GBF1: variants seen among roughly 807,000 people sequenced by gnomAD.
GBF1 encodes golgi brefeldin A resistant guanine nucleotide exchange factor 1.
In GBF1, 114 loss-of-function variants were observed where a neutral mutation model predicts 210.5. The ratio of observed to expected loss-of-function variants is 0.54; its 90% CI spans 0.47 to 0.63. The LOEUF (loss-of-function observed/expected upper bound fraction) is 0.63, where lower values mean the gene tolerates loss of function less well. Among genes scored for constraint, GBF1 ranks in the 30% least tolerant of loss-of-function variants. GBF1 has a pLI of 0.00. For synonymous variants in GBF1, 850 were observed against 889.2 expected (o/e 0.96, Z 0.78); for missense variants, 1,851 against 2,357.7 (o/e 0.79, Z 4.45).
intron 3 of GBF1, among the ~76,000 whole-genome samples, chr10:102,323,571 C>T (rs2134203741): frequency 1.3e-5 from 2 of 148,582 alleles, no homozygotes. Context: ...ACTTTTTTTT[C>T]TGTCTTTTTT....
the GBF1 span, chr10:102,231,149 C>T: frequency 4.1e-6 from 6 of 1,464,120 alleles, no homozygotes; most frequent in East Asian, 1.2e-4. Context: ...CGGGTCCCAG[C>T]GGCTGAAGGG....
upstream of GBF1, among the ~76,000 whole-genome samples, chr10:102,243,133 T>G (rs2070581865): frequency 6.6e-6 from 1 of 152,090 alleles, no homozygotes; most frequent in African/African-American, 2.4e-5. Context: ...CTCTGGCCCT[T>G]CCTGTGAAAG....
At chr10:102,241,187 C>G (rs2070526571), upstream of GBF1, 1 of 152,730 alleles carries the variant, frequency 6.5e-6, no homozygotes. This position sits in a 1 kb window ranked among gnomAD's most constrained non-coding sequence, Gnocchi z 6.7. Context: ...GTCCTGGCCC[C>G]AGGTCTGCAG....
chr10:102,276,362 T>TA lies in GBF1; in HGVS notation c.163+16253dup, dbSNP rs553221399. Reference sequence around the variant, plus strand: ...TAACACGGTGAAACCCCGTCTCTACTAAAAAAACAAAAAATTAGCTGGGCA... The same window carrying TA: ...TAACACGGTGAAACCCCGTCTCTACTAAAAAAAACAAAAAATTAGCTGGGCA... On this transcript the variant is annotated intron_variant, in intron 3 of 39. Transcript: ENST00000369983. Among the ~76,000 whole-genome samples the TA allele has an allele frequency of 1.5e-3, 234 of 151,594 alleles. 2 individuals are homozygous for TA. The highest frequency in any genetic ancestry group is 5.4e-3 in the African/African-American group (222 of 41,258).
At chr10:102,231,746 C>A in the GBF1 span, 1 of 1,609,488 alleles carries the variant, frequency 6.2e-7, no homozygotes, top group African/African-American at 1.3e-5. Flanking sequence ...AGCGAACCGT[C>A]CTCTGGGGAG....
At chr10:102,268,140 C>G (rs1399851256) in intron 3 of GBF1, among the ~76,000 whole-genome samples, 1 of 152,182 alleles carries the variant, frequency 6.6e-6, no homozygotes, top group East Asian at 1.9e-4. Context: ...CACTTTTAAA[C>G]CAAGAAGTTC....
intron 33 of GBF1, 123 bp downstream of exon 33, chr10:102,377,263 C>T (rs1295350037): frequency 1.2e-5 from 8 of 668,880 alleles, no homozygotes; most frequent in Non-Finnish European, 2.1e-5. Context: ...CCTGGACCAC[C>T]ATCTTCACAA....
chr10:102,273,212 G>A (rs910249118), intron 3 of GBF1, among the ~76,000 whole-genome samples: 10 of 152,126 alleles, frequency 6.6e-5, no homozygotes, highest in East Asian at 3.9e-4. Flanking sequence ...ATGGTGGCAC[G>A]TGCCAGCTAC....
chr10:102,341,146 C>G (rs1056292248), intron 3 of GBF1, among the ~76,000 whole-genome samples: 1 of 152,188 alleles, frequency 6.6e-6, no homozygotes, highest in African/African-American at 2.4e-5. Context: ...GGATAAAAGA[C>G]TTGAGCAGAC....
At chr10:102,284,160 G>A (rs1008790251) in intron 3 of GBF1, among the ~76,000 whole-genome samples, 14 of 152,166 alleles carry the variant, frequency 9.2e-5, no homozygotes, top group African/African-American at 3.4e-4. Context: ...ATTGTTCATG[G>A]TTTCTTAGAA....
Position 102,245,618 on chromosome 10 carries a change from A to G in GBF1, c.-174A>G, listed in dbSNP as rs1159336205. ...TCATCCTGGCGGACTGTGCAGTCCCACCCTGACTTCGGCCTCAATTTCCAG... is the reference window on the plus strand; with the variant it reads ...TCATCCTGGCGGACTGTGCAGTCCCGCCCTGACTTCGGCCTCAATTTCCAG... On this transcript the variant is annotated 5_prime_UTR_variant, in exon 1 of 40. Transcript: ENST00000369983. The G allele has an allele frequency of 6.6e-6, 1 of 152,184 alleles. No homozygotes were observed. Among genetic ancestry groups the G allele is most frequent in the Non-Finnish European group, 1.5e-5 (1 of 68,078 alleles). The allele number at this position is 152,184 out of a possible 1,614,324, so 9.4% of individuals were successfully genotyped here.
In GBF1 at chr10:102,365,463, A is replaced by G. The variant is rs559879280; in HGVS notation, c.2173A>G (p.Lys725Glu). 22 of 1,614,084 alleles carry G rather than the reference A, an allele frequency of 1.4e-5. No homozygotes were observed. Among genetic ancestry groups the G allele is most frequent in the Admixed American group, 6.7e-5 (4 of 60,038 alleles). ...GAAGGGGATTCAGTTTCTGCAAGAGAAAGGCCTCCTCACCATCCCAATGGA... is the reference window on the plus strand; with the variant it reads ...GAAGGGGATTCAGTTTCTGCAAGAGGAAGGCCTCCTCACCATCCCAATGGA... ...PKKGIQFLQEKGLLTIPMDNT... is the reference protein window; with the variant it reads ...PKKGIQFLQEEGLLTIPMDNT... Residue 725 changes from lysine (K) to glutamate (E), a missense_variant, in exon 18 of 40, where the codon AAA (lysine) becomes GAA (glutamate). Around this residue, in one of 3 missense-constraint regions of GBF1, gnomAD observed 804 missense variants for 958.6 expected, o/e 0.84. Transcript: ENST00000369983.
At chr10:102,361,653 A>G in intron 13 of GBF1, 65 bp from the exon 14 acceptor site, 3 of 1,139,274 alleles carry the variant, frequency 2.6e-6, no homozygotes, top group East Asian at 2.4e-5. Context: ...TTTCCTGTCT[A>G]ATTTTTTCTC....
Position 102,360,399 on chromosome 10 carries a change from A to C in GBF1, c.1392+4A>C, listed in dbSNP as rs1172061970. 1.9e-6 allele frequency: 3 copies of C among 1,591,426 alleles called. No homozygotes were observed. The highest frequency in any genetic ancestry group is 1.7e-6 in the Non-Finnish European group (2 of 1,159,602). ...GATGTGCCGTCACTTATTCCAGGTA[A>C]GACAAGATTGCTAGAGGGTCTCAGA... On this transcript the variant is annotated splice_donor_region_variant and intron_variant, in intron 12 of 39. Coordinates refer to ENST00000369983, the MANE Select transcript of GBF1 (RefSeq NM_001377137.1).
chr10:102,347,817 TG>T (rs923722955), intron 4 of GBF1, among the ~76,000 whole-genome samples: 1 of 152,226 alleles, frequency 6.6e-6, no homozygotes, highest in African/African-American at 2.4e-5. Context: ...ACTAGCCTTT[TG>T]TTTGGCCCCA....
chr10:102,300,071 T>C (rs972597078), intron 3 of GBF1, among the ~76,000 whole-genome samples: 1 of 151,978 alleles, frequency 6.6e-6, no homozygotes, highest in Non-Finnish European at 1.5e-5. Flanking sequence ...GGATCTGAGG[T>C]TTTCTGGACA....
rs2059403282 is a variant in GBF1 at position 102,358,265 on chromosome 10, CAA to C, written c.787+80_787+81del. ...TCTTAGGGATTTTGAAATTGAAGAC[CAA>C]CCAACTGAGGGGCTTTGGTCTTGGC... On this transcript the variant is annotated intron_variant, in intron 9 of 39. Transcript: ENST00000369983. 9.2e-6 allele frequency: 12 copies of C among 1,301,538 alleles called. No homozygotes were observed. The East Asian group carries it at 2.8e-4, about 30-fold the overall frequency. 80.6% of individuals were successfully genotyped at this position (1,301,538 alleles called of 1,614,324 possible). A position where few individuals can be genotyped will look rare whatever the true frequency, so the allele number is the denominator to read the frequency against.
chr10:102,247,242 C>T (rs575702009), intron 1 of GBF1, among the ~76,000 whole-genome samples: 1 of 152,238 alleles, frequency 6.6e-6, no homozygotes, highest in South Asian at 2.1e-4. Context: ...TTCATAATTT[C>T]CCTTTTCCCT....
intron 1 of GBF1, among the ~76,000 whole-genome samples, chr10:102,253,237 G>A (rs926013352): frequency 3.3e-5 from 5 of 152,140 alleles, no homozygotes; most frequent in African/African-American, 4.8e-5. Flanking sequence ...CTTATATGGG[G>A]CACCAATGGC....
Sources: allele counts gnomAD v4.1 joint callset (sites outside exome capture counted in the v4.1 genomes callset), GRCh38; gene constraint gnomAD v4.1.1; regional missense constraint gnomAD v4.1.1; non-coding constraint Gnocchi (gnomAD v3.1); transcripts MANE v1.5; gene names NCBI Gene and HGNC (gene_info 2026-07-23, HGNC 2026-07-21).